INSR: variants seen among roughly 807,000 people sequenced by gnomAD.
INSR encodes the protein IR.
A neutral mutation model predicts 142.6 loss-of-function variants in INSR; 67 were observed. That is an observed-to-expected ratio of 0.47 (90% CI 0.39 to 0.58). INSR has a LOEUF of 0.58. Ranked by LOEUF, INSR falls within the 20% of genes least tolerant of loss-of-function variation. The pLI is 0.00. For synonymous variants in INSR, 756 were observed against 743.1 expected (o/e 1.02, Z -0.28); for missense variants, 1,248 against 1,833.2 (o/e 0.68, Z 5.83).
In INSR at chr19:7,137,798, CAAAAAAAAAA is replaced by C. The variant is rs1176523364; in HGVS notation, c.2682+3869_2682+3878del. Among the ~76,000 whole-genome samples the C allele has an allele frequency of 1.4e-4, 6 of 41,482 alleles. No individual in the cohort carries two copies. The South Asian group carries it at 5.9e-3, about 41-fold the overall frequency. The allele number at this position is 41,482 out of a possible 152,430, so 27.2% of individuals were successfully genotyped here. A position where few individuals can be genotyped will look rare whatever the true frequency, so the allele number is the denominator to read the frequency against. On this transcript the variant is annotated intron_variant, in intron 13 of 21. Transcript: ENST00000302850. ...TGACAGAGTGAGTGAGACTCCATCT[CAAAAAAAAAA>C]AAAAAAAAAAAAAAAAGATGCAACC...
At position 7,267,072 on chromosome 19, in the gene INSR, G is replaced by A. The variant is rs1212365212; in HGVS notation, c.652+273C>T. Among the ~76,000 whole-genome samples the A allele has an allele frequency of 6.6e-6, 1 of 152,074 alleles. No homozygotes were observed. The highest frequency in any genetic ancestry group is 6.6e-5 in the Admixed American group (1 of 15,252). On this transcript the variant is annotated intron_variant, in intron 2 of 21. Coordinates refer to ENST00000302850, the MANE Select transcript of INSR (RefSeq NM_000208.4). This position sits in a 1 kb window ranked among gnomAD's most constrained non-coding sequence, Gnocchi z 6.3. ...AAAGTTTTATTGAAACACAGCCACA[G>A]TCATACATTTATGCATGCCTGTGGC...
intron 2 of INSR, among the ~76,000 whole-genome samples, chr19:7,247,173 C>CA (rs1452179492): frequency 6.6e-6 from 1 of 152,182 alleles, no homozygotes; most frequent in East Asian, 1.9e-4. Context: ...TTGACTGAGA[C>CA]ACTCAGTGCT....
At chr19:7,274,899 T>C (rs530871580) in intron 1 of INSR, among the ~76,000 whole-genome samples, 1 of 151,922 alleles carries the variant, frequency 6.6e-6, no homozygotes, top group Non-Finnish European at 1.5e-5. Flanking sequence ...AGCCCCAAAA[T>C]TGAGCCTTAC....
chr19:7,151,140 TC>T (rs1463342902), intron 10 of INSR, among the ~76,000 whole-genome samples: 17 of 141,856 alleles, frequency 1.2e-4, no homozygotes, highest in African/African-American at 3.9e-4. Context: ...GTCCTTTCTT[TC>T]TCTCTTTCCT....
chr19:7,252,747 A>G (rs1976765437), intron 2 of INSR, among the ~76,000 whole-genome samples: 1 of 152,148 alleles, frequency 6.6e-6, no homozygotes, highest in Non-Finnish European at 1.5e-5. Flanking sequence ...GCTACACTCA[A>G]TAAGCCATGG....
At chr19:7,126,519 TG>T in intron 16 of INSR, 64 bp downstream of exon 16, 1 of 1,374,250 alleles carries the variant, frequency 7.3e-7, no homozygotes, top group Non-Finnish European at 1.0e-6. Context: ...TCTCACTCAA[TG>T]GTGAAGGCAA....
chr19:7,197,572 G>A (rs1204704213), intron 2 of INSR, among the ~76,000 whole-genome samples: 1 of 66,304 alleles, frequency 1.5e-5, no homozygotes, highest in Non-Finnish European at 3.2e-5. Flanking sequence ...GAGTGTGTGT[G>A]TTTGGGTGTG....
At chr19:7,180,831 A>G (rs1974256494) in intron 3 of INSR, among the ~76,000 whole-genome samples, 1 of 152,204 alleles carries the variant, frequency 6.6e-6, no homozygotes, top group Non-Finnish European at 1.5e-5. Context: ...GAATGAAATG[A>G]GAATGAGAAC....
chr19:7,237,247 G>T (rs1478862603), intron 2 of INSR, among the ~76,000 whole-genome samples: 2 of 151,992 alleles, frequency 1.3e-5, no homozygotes, highest in Non-Finnish European at 2.9e-5. Flanking sequence ...GGCCAGACGC[G>T]GTGGCTCACG....
At chr19:7,170,006 G>GT (rs1973977623) in intron 6 of INSR, among the ~76,000 whole-genome samples, 1 of 152,146 alleles carries the variant, frequency 6.6e-6, no homozygotes, top group Non-Finnish European at 1.5e-5. Context: ...TACAGCAGGG[G>GT]TCCCCAGCCC....
Position 7,119,668 on chromosome 19 carries a change from G to A in INSR, c.3660-85C>T, listed in dbSNP as rs561271305. The A allele has an allele frequency of 2.5e-4, 360 of 1,439,268 alleles. No homozygotes were observed. The highest frequency in any genetic ancestry group is 6.1e-4 in the Admixed American group (35 of 57,840). 89.2% of individuals were successfully genotyped at this position (1,439,268 alleles called of 1,614,324 possible). A position where few individuals can be genotyped will look rare whatever the true frequency, so the allele number is the denominator to read the frequency against. On this transcript the variant is annotated intron_variant, in intron 20 of 21. Coordinates refer to ENST00000302850, the MANE Select transcript of INSR (RefSeq NM_000208.4). This position sits in a 1 kb window ranked among gnomAD's most constrained non-coding sequence, Gnocchi z 5.2. ...CGCGCGCAAACACACACACGCAAAC[G>A]CACACACACACGCAAACACACATGC...
chr19:7,215,884 T>G (rs905204457), intron 2 of INSR, among the ~76,000 whole-genome samples: 4 of 151,778 alleles, frequency 2.6e-5, no homozygotes, highest in African/African-American at 4.8e-5. Flanking sequence ...TCTCCTTTTC[T>G]GATAACATCC....
intron 3 of INSR, among the ~76,000 whole-genome samples, chr19:7,177,279 G>A (rs1001263110): frequency 6.6e-6 from 1 of 152,128 alleles, no homozygotes; most frequent in Non-Finnish European, 1.5e-5. Flanking sequence ...ATGCTGGAAG[G>A]GGAAATTGTC....
At chr19:7,158,051 T>G (rs1385102277) in intron 9 of INSR, among the ~76,000 whole-genome samples, 1 of 68,134 alleles carries the variant, frequency 1.5e-5, no homozygotes, top group African/African-American at 4.5e-5. Context: ...CCTGGTATTA[T>G]TATTATTATT....
At chr19:7,173,669 G>C (rs1426150295) in intron 4 of INSR, among the ~76,000 whole-genome samples, 2 of 129,690 alleles carry the variant, frequency 1.5e-5, no homozygotes, top group Non-Finnish European at 3.1e-5. Flanking sequence ...GCCCAGGCTA[G>C]AGTGCAGTGG....
At chr19:7,224,517 G>A (rs897075768) in intron 2 of INSR, among the ~76,000 whole-genome samples, 5 of 152,104 alleles carry the variant, frequency 3.3e-5, no homozygotes, top group African/African-American at 9.7e-5. Context: ...TGGGGGCAGC[G>A]AGCCTCCACG....
intron 15 of INSR, among the ~76,000 whole-genome samples, chr19:7,127,780 G>A (rs1411716958): frequency 6.6e-6 from 1 of 152,138 alleles, no homozygotes; most frequent in African/African-American, 2.4e-5. Flanking sequence ...GTCTCACTCT[G>A]TTGCCCAGGC....
intron 2 of INSR, among the ~76,000 whole-genome samples, chr19:7,256,450 C>A (rs1032997232): frequency 4.0e-5 from 6 of 151,412 alleles, no homozygotes; most frequent in African/African-American, 9.7e-5. Context: ...CTCCATCTCA[C>A]TAAATAAATA....
chr19:7,144,217 T>C (rs887859386), intron 11 of INSR, among the ~76,000 whole-genome samples: 2 of 152,198 alleles, frequency 1.3e-5, no homozygotes, highest in Admixed American at 6.6e-5. Context: ...AAGCATTTAC[T>C]AAATATTTTC....
Sources: gnomAD v4.1 joint callset for allele counts (sites outside exome capture counted in the v4.1 genomes callset) on GRCh38, gnomAD v4.1.1 for gene constraint, Gnocchi (gnomAD v3.1) non-coding constraint, MANE v1.5 for transcripts, NCBI Gene and HGNC (gene_info 2026-07-23, HGNC 2026-07-21) for gene names.